Variants in ZBTB37 observed in about 807,000 individuals in gnomAD.
ZBTB37 encodes the protein zinc finger and BTB domain containing 37.
ZBTB37 carries 15 observed loss-of-function variants against 37.7 expected under a neutral mutation model. The ratio of observed to expected loss-of-function variants is 0.40; its 90% CI spans 0.27 to 0.61. ZBTB37 has a LOEUF of 0.61. Among genes scored for constraint, ZBTB37 ranks in the 20% least tolerant of loss-of-function variants. ZBTB37 has a pLI of 0.44. For missense variants in ZBTB37, 514 were observed against 641.9 expected, an observed-to-expected ratio of 0.80 and a Z score of 2.15; for synonymous variants, 231 against 220.6, an observed-to-expected ratio of 1.05 and a Z score of -0.42.
exon 4 of ZBTB37, chr1:173,899,315 C>T (rs1657170551): frequency 6.6e-6 from 1 of 152,060 alleles, no homozygotes; most frequent in Admixed American, 6.6e-5. Context: ...TGTTTGTGCC[C>T]AGAGTTTTGT....
intron 3 of ZBTB37, among the ~76,000 whole-genome samples, chr1:173,872,699 A>T (rs1050668367): frequency 3.3e-5 from 5 of 152,038 alleles, no homozygotes; most frequent in African/African-American, 7.2e-5. Flanking sequence ...ATAAAATTTT[A>T]AAAAAAACTA....
exon 3 of ZBTB37, chr1:173,870,347 A>G (rs1198565135): frequency 4.3e-6 from 7 of 1,614,140 alleles, no homozygotes; most frequent in Non-Finnish European, 5.1e-6. Context: ...GTGCAAGGAC[A>G]AGCTTTTCGG....
intron 3 of ZBTB37, among the ~76,000 whole-genome samples, chr1:173,872,520 G>C (rs965706616): frequency 6.6e-6 from 1 of 152,056 alleles, no homozygotes; most frequent in African/African-American, 2.4e-5. Flanking sequence ...CTTGATTTGA[G>C]TATTGTCTTC....
exon 5 of ZBTB37, chr1:173,886,023 A>C (rs1361707081): frequency 1.9e-6 from 3 of 1,551,760 alleles, no homozygotes; most frequent in Admixed American, 3.9e-5. Flanking sequence ...AACAACTGTC[A>C]CATCTCGAGG....
intron 4 of ZBTB37, among the ~76,000 whole-genome samples, chr1:173,881,915 G>A (rs1176000997): frequency 1.3e-5 from 2 of 151,930 alleles, no homozygotes; most frequent in Admixed American, 1.3e-4. Context: ...TTAGCCGGGT[G>A]TGGTGGCAAG....
At chr1:173,880,780 T>G (rs1656252917) in intron 4 of ZBTB37, among the ~76,000 whole-genome samples, 1 of 152,150 alleles carries the variant, frequency 6.6e-6, no homozygotes, top group Non-Finnish European at 1.5e-5. Context: ...TTTTGTGGTG[T>G]TTGTTCTTCT....
downstream of ZBTB37, chr1:173,886,688 C>T (rs1241067857): frequency 6.5e-6 from 1 of 153,362 alleles, no homozygotes; most frequent in Admixed American, 6.5e-5. Context: ...CTTTATCTTT[C>T]CCCTGACTAG....
At chr1:173,874,221 C>T (rs1655765398) in intron 4 of ZBTB37, among the ~76,000 whole-genome samples, 1 of 145,508 alleles carries the variant, frequency 6.9e-6, no homozygotes. Context: ...CACCATTGCA[C>T]TCCAGCCTGG....
downstream of ZBTB37, chr1:173,887,579 A>G (rs529838261): frequency 1.3e-5 from 2 of 152,302 alleles, no homozygotes; most frequent in South Asian, 4.1e-4. Context: ...AAACATGTAG[A>G]GCTTTGGATA....
exon 4 of ZBTB37, chr1:173,893,294 T>C (rs1458781341): frequency 6.6e-6 from 1 of 152,252 alleles, no homozygotes; most frequent in Non-Finnish European, 1.5e-5. Context: ...TAATCCATAA[T>C]GCCAGGAGTT....
intron 2 of ZBTB37, 51 bp from the exon 3 acceptor site, chr1:173,870,149 G>C: frequency 6.4e-6 from 8 of 1,259,526 alleles, no homozygotes; most frequent in Non-Finnish European, 8.6e-6. Flanking sequence ...GAAACCATCC[G>C]GGAAGTAAAA....
At chr1:173,901,438 C>CT (rs1657255010) in exon 4 of ZBTB37, 1 of 121,322 alleles carries the variant, frequency 8.2e-6, no homozygotes, top group East Asian at 2.3e-4. Flanking sequence ...GGGTCTTGAT[C>CT]TGTCACCCAG....
At chr1:173,878,127 A>G (rs376771120) in intron 4 of ZBTB37, among the ~76,000 whole-genome samples, 20 of 152,278 alleles carry the variant, frequency 1.3e-4, no homozygotes, top group South Asian at 4.1e-4. Flanking sequence ...ATTTCTTTTC[A>G]GGTGTCTGGG....
At chr1:173,885,693 G>A in exon 5 of ZBTB37, 1 of 1,552,054 alleles carries the variant, frequency 6.4e-7, no homozygotes, top group African/African-American at 1.4e-5. Context: ...CCGAGAGCAG[G>A]AAGTATCTGA....
At chr1:173,888,729 C>G (rs1656728322), downstream of ZBTB37, 1 of 152,140 alleles carries the variant, frequency 6.6e-6, no homozygotes, top group South Asian at 2.1e-4. Context: ...TGAACTTGGC[C>G]TGGAGAAAGA....
chr1:173,883,057 C>A (rs934377588), intron 4 of ZBTB37, among the ~76,000 whole-genome samples: 1 of 152,212 alleles, frequency 6.6e-6, no homozygotes, highest in Non-Finnish European at 1.5e-5. Context: ...CTCCAAGTCA[C>A]ACAATAAATA....
downstream of ZBTB37, chr1:173,889,599 T>C (rs1656762032): frequency 6.6e-6 from 1 of 152,234 alleles, no homozygotes; most frequent in Non-Finnish European, 1.5e-5. Context: ...CTGTCTGAAC[T>C]CTAATACCAG....
exon 3 of ZBTB37, chr1:173,870,736 A>G (rs1655495317): frequency 1.2e-6 from 2 of 1,614,046 alleles, no homozygotes. Flanking sequence ...TAATACCCCA[A>G]AGGGAAACCG....
chr1:173,879,218 A>G (rs1656160045), intron 4 of ZBTB37, among the ~76,000 whole-genome samples: 1 of 152,176 alleles, frequency 6.6e-6, no homozygotes, highest in Non-Finnish European at 1.5e-5. Flanking sequence ...TAATCCATCC[A>G]GAATCCAGCA....
Sources: allele counts gnomAD v4.1 joint callset (sites outside exome capture counted in the v4.1 genomes callset), GRCh38; gene constraint gnomAD v4.1.1; transcripts MANE v1.5; gene names NCBI Gene and HGNC (gene_info 2026-07-23, HGNC 2026-07-21).